NLGN1: variants seen among roughly 807,000 people sequenced by gnomAD.
The protein encoded by NLGN1 is neuroligin 1.
In NLGN1, 12 loss-of-function variants were observed where a neutral mutation model predicts 65.5. The observed-to-expected ratio is 0.18, with a 90% CI of 0.12 to 0.30. The LOEUF is 0.30. NLGN1 is among the 10% of genes least tolerant of loss of function. The probability of loss-of-function intolerance (pLI) is 1.00; values close to 1 mark genes in which losing one functional copy is unlikely to be tolerated. For synonymous variants in NLGN1, 350 were observed against 359.5 expected (o/e 0.97, Z 0.30); for missense variants, 750 against 1,007.1 (o/e 0.74, Z 3.46).
chr3:174,076,681 G>T (rs556038910), intron 4 of NLGN1, among the ~76,000 whole-genome samples: 3 of 39,908 alleles, frequency 7.5e-5, no homozygotes, highest in Non-Finnish European at 1.5e-4. Flanking sequence ...TGGGACCATA[G>T]AGAGAGAGAG....
At chr3:173,405,873 A>G (rs1718548156) in intron 1 of NLGN1, among the ~76,000 whole-genome samples, 1 of 152,110 alleles carries the variant, frequency 6.6e-6, no homozygotes, top group African/African-American at 2.4e-5. Flanking sequence ...AAAATTAAAC[A>G]TGTTTCCTGG....
At chr3:173,545,993 A>G (rs1288820337) in intron 2 of NLGN1, among the ~76,000 whole-genome samples, 1 of 152,190 alleles carries the variant, frequency 6.6e-6, no homozygotes, top group Non-Finnish European at 1.5e-5. Flanking sequence ...TACCTAATGT[A>G]GATGATGGGT....
chr3:173,743,445 C>T (rs1285632064), intron 3 of NLGN1, among the ~76,000 whole-genome samples: 14 of 152,090 alleles, frequency 9.2e-5, no homozygotes, highest in Non-Finnish European at 1.6e-4. Context: ...ACAGCTGCTA[C>T]TTATTATTCA....
intron 4 of NLGN1, among the ~76,000 whole-genome samples, chr3:173,895,436 G>A (rs1240363040): frequency 2.0e-5 from 3 of 152,220 alleles, no homozygotes; most frequent in Non-Finnish European, 4.4e-5. Flanking sequence ...GAGGCAAAGA[G>A]AAGCCAAAAT....
At chr3:173,727,292 C>G (rs1338674938) in intron 3 of NLGN1, among the ~76,000 whole-genome samples, 3 of 152,104 alleles carry the variant, frequency 2.0e-5, no homozygotes, top group African/African-American at 4.8e-5. Context: ...GAAATCTTAC[C>G]TAACATACAG....
intron 4 of NLGN1, among the ~76,000 whole-genome samples, chr3:173,995,495 G>A (rs1269485947): frequency 6.6e-6 from 1 of 152,148 alleles, no homozygotes; most frequent in Non-Finnish European, 1.5e-5. Flanking sequence ...GCTGATCCTA[G>A]TCCAATCAAA....
At chr3:174,220,649 T>A (rs1738469992) in intron 4 of NLGN1, among the ~76,000 whole-genome samples, 2 of 152,184 alleles carry the variant, frequency 1.3e-5, no homozygotes, top group South Asian at 4.1e-4. Context: ...ATTTTTACAT[T>A]GATTACCTCA....
chr3:173,588,784 G>A (rs1266242979), intron 2 of NLGN1, among the ~76,000 whole-genome samples: 1 of 152,112 alleles, frequency 6.6e-6, no homozygotes, highest in East Asian at 1.9e-4. Flanking sequence ...TATGGGCCTT[G>A]CAGGCAGTCT....
At chr3:173,920,134 TAC>T (rs1332416616) in intron 4 of NLGN1, among the ~76,000 whole-genome samples, 1 of 151,866 alleles carries the variant, frequency 6.6e-6, no homozygotes, top group East Asian at 1.9e-4. Context: ...GCAGACTAGA[TAC>T]AGATACTCTG....
intron 3 of NLGN1, among the ~76,000 whole-genome samples, chr3:173,698,977 C>T (rs376312647): frequency 6.6e-6 from 1 of 152,132 alleles, no homozygotes; most frequent in East Asian, 1.9e-4. Context: ...CTGCCTCAGC[C>T]TCCCGAGTAG....
chr3:173,543,647 C>T (rs1739266765), intron 2 of NLGN1, among the ~76,000 whole-genome samples: 1 of 151,994 alleles, frequency 6.6e-6, no homozygotes, highest in African/African-American at 2.4e-5. Flanking sequence ...GTAACAGTAA[C>T]CAAAGAACCT....
rs534308260 is a variant in NLGN1, at chr3:173,608,329, T to G, written c.493+3238T>G. 1.2e-4 allele frequency among the ~76,000 whole-genome samples: 18 copies of G among 151,998 alleles called. No individual in the cohort carries two copies. The East Asian group carries it at 3.5e-3, about 29-fold the overall frequency. On this transcript the variant is annotated intron_variant, in intron 3 of 6. Coordinates refer to ENST00000457714, the Ensembl canonical transcript of NLGN1. ...TAACCTCTAGATCTTTCTTCAGAGT[T>G]TTATCCTTACAAAATGGAAAAGAAG...
chr3:173,535,604 G>C (rs561682043), intron 2 of NLGN1, among the ~76,000 whole-genome samples: 1 of 152,106 alleles, frequency 6.6e-6, no homozygotes. Flanking sequence ...CAGATTATCA[G>C]ACACCACATC....
chr3:173,692,914 C>T (rs537919854), intron 3 of NLGN1, among the ~76,000 whole-genome samples: 5 of 152,070 alleles, frequency 3.3e-5, no homozygotes, highest in East Asian at 1.9e-4. Flanking sequence ...GAGTCAAAAG[C>T]GCATGCCTGA....
At chr3:173,957,445 T>A (rs1712359930) in intron 4 of NLGN1, among the ~76,000 whole-genome samples, 1 of 152,182 alleles carries the variant, frequency 6.6e-6, no homozygotes, top group African/African-American at 2.4e-5. Context: ...TACAACTAAA[T>A]ACTGACATGT....
At chr3:173,491,641 G>T (rs914068743) in intron 2 of NLGN1, among the ~76,000 whole-genome samples, 61 of 151,478 alleles carry the variant, frequency 4.0e-4, no homozygotes, top group Non-Finnish European at 8.0e-4. Flanking sequence ...TATTTTTCTG[G>T]GTTTCATGTC....
At chr3:173,764,386 G>A (rs1463390310) in intron 3 of NLGN1, among the ~76,000 whole-genome samples, 1 of 152,122 alleles carries the variant, frequency 6.6e-6, no homozygotes, top group Non-Finnish European at 1.5e-5. Context: ...AGAGGGGTGT[G>A]ACTGAATCAC....
intron 4 of NLGN1, among the ~76,000 whole-genome samples, chr3:173,986,181 A>AAT (rs1434060624): frequency 6.6e-6 from 1 of 151,888 alleles, no homozygotes; most frequent in African/African-American, 2.4e-5. Context: ...AAAAAGGGGA[A>AAT]ATTTGGGCCA....
chr3:174,186,345 T>C (rs1731395694), intron 4 of NLGN1, among the ~76,000 whole-genome samples: 1 of 152,102 alleles, frequency 6.6e-6, no homozygotes, highest in African/African-American at 2.4e-5. Flanking sequence ...TATTTTCTTT[T>C]AGTATTTCCA....
Sources: gnomAD v4.1 joint callset for allele counts (sites outside exome capture counted in the v4.1 genomes callset) on GRCh38, gnomAD v4.1.1 for gene constraint, MANE v1.5 for transcripts, NCBI Gene and HGNC (gene_info 2026-07-23, HGNC 2026-07-21) for gene names.